The following CDHR5 variants were observed in gnomAD, a reference collection of about 807,000 sequenced individuals.
CDHR5 encodes the protein cadherin-related family member 5.
Under a neutral mutation model 69.5 loss-of-function variants are expected in CDHR5, and 82 were observed. That is an observed-to-expected ratio of 1.18 (90% CI 0.99 to 1.42). CDHR5 has a LOEUF of 1.42. Ranked by LOEUF, CDHR5 falls within the 40% of genes most tolerant of loss-of-function variation. The pLI is 0.00. For missense variants in CDHR5, 1,293 were observed against 1,168.9 expected (o/e 1.11, Z -1.55); for synonymous variants, 601 against 510.2 (o/e 1.18, Z -2.40).
At chr11:619,438 A>T (rs368629032) in intron 11 of CDHR5, 36 bp downstream of exon 11, 1 of 1,606,382 alleles carries the variant, frequency 6.2e-7, no homozygotes, top group Non-Finnish European at 8.5e-7. Flanking sequence ...TTTAAGCCCC[A>T]CACCCTTGGA....
chr11:618,124 TG>T lies in CDHR5; in HGVS notation c.1961-14del, dbSNP rs747155767. The T allele has an allele frequency of 6.2e-7, 1 of 1,600,850 alleles. No individual in the cohort carries two copies. The highest frequency in any genetic ancestry group is 8.5e-7 in the Non-Finnish European group (1 of 1,173,164). On this transcript the variant is annotated splice_polypyrimidine_tract_variant and intron_variant, in intron 13 of 14. Transcript: ENST00000397542. Reference sequence around the variant, plus strand: ...GAGGGGCCGCCACCTGGCATCGCAGTGGAAAACGTCATCATCCCCGCACTGT... The same window carrying T: ...GAGGGGCCGCCACCTGGCATCGCAGTGAAAACGTCATCATCCCCGCACTGT...
chr11:619,091 C>T lies in CDHR5; in HGVS notation c.1468G>A (p.Gly490Arg). 5 of 1,610,600 alleles carry T rather than the reference C, an allele frequency of 3.1e-6. No individual in the cohort carries two copies. Among genetic ancestry groups the T allele is most frequent in the Middle Eastern group, 1.7e-4 (1 of 6,050 alleles). The change falls in exon 13 of 15, where the codon GGA becomes AGA. Residue 490 changes from glycine (G) to arginine (R), a missense_variant. Gly to Arg is a moderately radical substitution (Grantham distance 125, BLOSUM62 -2). Transcript: ENST00000397542. ...EVPRPPEPSQ[G>R]PSTTSSGGGT... ...CCCCCAGAGCTGGTCGTGGAGGGTCCCTGGGAGGGCTCAGGGGGTCTGGGG... is the reference window on the plus strand; with the variant it reads ...CCCCCAGAGCTGGTCGTGGAGGGTCTCTGGGAGGGCTCAGGGGGTCTGGGG...
rs866481143 is a variant in CDHR5 at position 619,587 on chromosome 11, C to A, written c.1180G>T (p.Asp394Tyr). The change falls in exon 11 of 15, where the codon GAC becomes TAC. Residue 394 changes from aspartate (D) to tyrosine (Y), a missense_variant and splice_region_variant. Asp to Tyr is a radical substitution (Grantham distance 160). Transcript: ENST00000397542. ...RIQAQDPEFS[D>Y]LNSAITYRIT... ...CGATATGTGATGGCCGAGTTGAGGT[C>A]CTGGACAGGGTCTCATTGAGTCCCC... 3.1e-6 allele frequency: 5 copies of A among 1,612,830 alleles called. No individual in the cohort carries two copies. Among genetic ancestry groups the A allele is most frequent in the Non-Finnish European group, 8.5e-7 (1 of 1,179,056 alleles).
At position 617,701 on chromosome 11, in the gene CDHR5, G is replaced by A; in HGVS notation, c.2188C>T (p.Pro730Ser). 6.8e-7 allele frequency: 1 copy of A among 1,462,996 alleles called. No individual in the cohort carries two copies. The highest frequency in any genetic ancestry group is 9.0e-7 in the Non-Finnish European group (1 of 1,114,996). 90.6% of individuals were successfully genotyped at this position (1,462,996 alleles called of 1,614,324 possible). A position where few individuals can be genotyped will look rare whatever the true frequency, so the allele number is the denominator to read the frequency against. The change falls in exon 15 of 15, where the codon CCC becomes TCC. Residue 730 changes from proline (P) to serine (S), a missense_variant. By Grantham distance (74) the Pro-to-Ser change is moderately conservative. Transcript: ENST00000397542. ...PDHKANWAPVPSPTHDPKPAE... is the reference protein window; with the variant it reads ...PDHKANWAPVSSPTHDPKPAE... The stretch of plus-strand genomic sequence containing the variant: ...GGCTTGGGGTCGTGCGTGGGGCTGG[G>A]GACGGGCGCCCAGTTGGCCTTGTGG...
intron 7 of CDHR5, 99 bp downstream of exon 7, chr11:620,979 CCT>C (rs1324716342): frequency 1.3e-6 from 1 of 792,078 alleles, no homozygotes; most frequent in African/African-American, 1.8e-5. Context: ...GGCCCCACCC[CCT>C]GACCCCGACC....
At chr11:619,648 C>T (rs754681622) in intron 10 of CDHR5, 33 bp downstream of exon 10, 8 of 1,611,362 alleles carry the variant, frequency 5.0e-6, no homozygotes, top group Non-Finnish European at 5.9e-6. Context: ...CCTGACCCAC[C>T]CACAGAGGGG....
intron 3 of CDHR5, among the ~76,000 whole-genome samples, chr11:623,030 C>T (rs1001796230): frequency 2.0e-5 from 3 of 151,916 alleles, no homozygotes; most frequent in Non-Finnish European, 2.9e-5. Flanking sequence ...GATTGTCAGC[C>T]GGGCACGGTG....
At chr11:617,806 G>A in intron 14 of CDHR5, 36 bp from the exon 15 acceptor site, 2 of 1,455,226 alleles carry the variant, frequency 1.4e-6, no homozygotes, top group Non-Finnish European at 1.8e-6. Flanking sequence ...CGGGGTCCCT[G>A]GGTCTCTGCA....
rs1462447258 is a variant in CDHR5 at position 624,742 on chromosome 11, T to C, written c.86-10A>G. The C allele has an allele frequency of 1.9e-6, 3 of 1,603,836 alleles. No homozygotes were observed. Among genetic ancestry groups the C allele is most frequent in the Admixed American group, 1.7e-5 (1 of 59,062 alleles). On this transcript the variant is annotated splice_polypyrimidine_tract_variant and intron_variant, in intron 1 of 14. Transcript: ENST00000397542. The surrounding 1 kb of genome is among the most constrained non-coding windows in gnomAD (Gnocchi z 5.3). ...TTGTTCACAGAGCAGTCTGTAAGGT[T>C]GCAGAGGAGGGATCAGTGCCTCCCA...
At chr11:620,496 C>G in intron 7 of CDHR5, 110 bp from the exon 8 acceptor site, 1 of 715,990 alleles carries the variant, frequency 1.4e-6, no homozygotes, top group Non-Finnish European at 2.4e-6. Context: ...GGGGCCCAGT[C>G]CCGCTGGTGG....
rs749915600 is a variant in CDHR5, at chr11:618,923, C to G, written c.1636G>C (p.Gly546Arg). The change falls in exon 13 of 15, where the codon GGA (glycine) becomes CGA (arginine). Residue 546 changes from glycine to arginine, a missense_variant. Physicochemically the swap from Gly to Arg is moderately radical, Grantham distance 125. Transcript: ENST00000397542. ...CCGGGGGGCATCGGCTGAGAGGTTC[C>G]TGGCTTTGGGGTCTGTGCTGTGTCC... ...GGDTAQTPKPGTSQPMPPGVG... is the reference protein window; with the variant it reads ...GGDTAQTPKPRTSQPMPPGVG... 3.1e-6 allele frequency: 5 copies of G among 1,608,438 alleles called. No individual in the cohort carries two copies. The East Asian group carries it at 1.1e-4, about 36-fold the overall frequency.
In CDHR5 at chr11:616,860, G is replaced by A. The variant is rs777016087; in HGVS notation, c.*491C>T. On this transcript the variant is annotated 3_prime_UTR_variant, in exon 15 of 15. Coordinates refer to ENST00000397542, the MANE Select transcript of CDHR5 (RefSeq NM_021924.5). ...ATTTCAGAAGGGGACTAGGACCCCC[G>A]GCAGGTGTTTGAGACCACCGGCTCC... The A allele has an allele frequency of 6.2e-5, 11 of 177,284 alleles. No homozygotes were observed. The highest frequency in any genetic ancestry group is 1.8e-4 in the East Asian group (1 of 5,690). The allele number at this position is 177,284 out of a possible 1,614,324, so 11.0% of individuals were successfully genotyped here. A position where few individuals can be genotyped will look rare whatever the true frequency, so the allele number is the denominator to read the frequency against.
At position 621,890 on chromosome 11, in the gene CDHR5, C is replaced by T. The variant is rs777618121; in HGVS notation, c.327G>A (p.Arg109=). 10 of 1,613,304 alleles carry T rather than the reference C, an allele frequency of 6.2e-6. No homozygotes were observed. The highest frequency in any genetic ancestry group is 1.1e-5 in the South Asian group (1 of 91,074). ...TGACGTCCAGCACTGACACGAACAC[C>T]CTTAGCTGGGTCACCTGCAGGATGT... ...QSGGTLVTQL[R]VFVSVLDVND... is the part of the protein sequence containing the mutation. Residue 109 remains arginine (R), a synonymous_variant, in exon 4 of 15, where the codon AGG becomes AGA. Transcript: ENST00000397542. This position sits in a 1 kb window ranked among gnomAD's most constrained non-coding sequence, Gnocchi z 4.4.
intron 13 of CDHR5, 60 bp downstream of exon 13, chr11:618,539 C>T (rs1265891694): frequency 1.4e-5 from 22 of 1,586,044 alleles, no homozygotes; most frequent in African/African-American, 2.7e-5. Flanking sequence ...CTTCCTACAG[C>T]GTTTCCCATA....
Position 619,319 on chromosome 11 carries a change from C to T in CDHR5, c.1365G>A (p.Glu455=), listed in dbSNP as rs1264942906. ...AGGGGGGCTTACCTGTGGAGGGGGGCTCCTGTTCGGAAACTTGTATCTCAA... is the reference window on the plus strand; with the variant it reads ...AGGGGGGCTTACCTGTGGAGGGGGGTTCCTGTTCGGAAACTTGTATCTCAA... ...TVIEIQVSEQ[E]PPSTDVPPSP... Residue 455 remains glutamate (E), a synonymous_variant, in exon 12 of 15, where the codon GAG becomes GAA. Transcript: ENST00000397542. 3.1e-6 allele frequency: 5 copies of T among 1,611,536 alleles called. No homozygotes were observed. The East Asian group carries it at 6.7e-5, about 22-fold the overall frequency.
In CDHR5 at chr11:617,390, A is replaced by C. The variant is rs1057304926; in HGVS notation, c.2499T>G (p.Gly833=). 26 of 1,608,988 alleles carry C rather than the reference A, an allele frequency of 1.6e-5. No homozygotes were observed. The highest frequency in any genetic ancestry group is 2.0e-5 in the Non-Finnish European group (24 of 1,178,084). ...CATCACCACCGGGCGCATCGTAGGG[A>C]CCCCCACCCCTCCCCGCGCCCTCGC... ...DEGEGAGRGG[G]PYDAPGGDDS... Residue 833 remains glycine (G), a synonymous_variant, in exon 15 of 15, where the codon GGT becomes GGG. Coordinates refer to ENST00000397542, the MANE Select transcript of CDHR5 (RefSeq NM_021924.5).
In CDHR5 at chr11:621,465, G is replaced by A. The variant is rs753839684; in HGVS notation, c.508-10C>T. 6.2e-7 allele frequency: 1 copy of A among 1,609,210 alleles called. No individual in the cohort carries two copies. On this transcript the variant is annotated splice_polypyrimidine_tract_variant and intron_variant, in intron 5 of 14. Transcript: ENST00000397542. The surrounding 1 kb of genome is among the most constrained non-coding windows in gnomAD (Gnocchi z 4.4). ...AGTAGTCACTGGCACCCTGGGGAGG[G>A]TCAGGGAGGACAGAGCCTAAGAGCC... is the stretch of plus-strand genomic sequence containing the variant.
chr11:621,216 G>C lies in CDHR5; in HGVS notation c.653C>G (p.Thr218Ser). 1 of 1,597,694 alleles carries C rather than the reference G, an allele frequency of 6.3e-7. No individual in the cohort carries two copies. The change falls in exon 7 of 15, where the codon ACT becomes AGT. Residue 218 changes from threonine to serine, a missense_variant. Coordinates refer to ENST00000397542, the MANE Select transcript of CDHR5 (RefSeq NM_021924.5). The surrounding 1 kb of genome is among the most constrained non-coding windows in gnomAD (Gnocchi z 4.4). Reference sequence around the variant, plus strand: ...GTTCAGCACTAGTGTGGCGGTGGCAGTGTGGCTGGGTTCCACATTCTCCCC... The same window carrying C: ...GTTCAGCACTAGTGTGGCGGTGGCACTGTGGCTGGGTTCCACATTCTCCCC... ...TPGENVEPSH[T>S]ATATLVLNVV...
At position 621,209 on chromosome 11, in the gene CDHR5, G is replaced by A. The variant is rs778453058; in HGVS notation, c.660C>T (p.Thr220=). The A allele has an allele frequency of 5.6e-6, 9 of 1,600,536 alleles. No individual in the cohort carries two copies. Among genetic ancestry groups the A allele is most frequent in the East Asian group, 2.2e-5 (1 of 44,758 alleles). ...GENVEPSHTA[T]ATLVLNVVPA... ...GCACCACGTTCAGCACTAGTGTGGCGGTGGCAGTGTGGCTGGGTTCCACAT... is the reference window on the plus strand; with the variant it reads ...GCACCACGTTCAGCACTAGTGTGGCAGTGGCAGTGTGGCTGGGTTCCACAT... Residue 220 remains threonine (T), a synonymous_variant, in exon 7 of 15, where the codon ACC becomes ACT. Coordinates refer to ENST00000397542, the MANE Select transcript of CDHR5 (RefSeq NM_021924.5). This position sits in a 1 kb window ranked among gnomAD's most constrained non-coding sequence, Gnocchi z 4.4.
Sources: allele counts gnomAD v4.1 joint callset (sites outside exome capture counted in the v4.1 genomes callset), GRCh38; gene constraint gnomAD v4.1.1; non-coding constraint Gnocchi (gnomAD v3.1); transcripts MANE v1.5; gene names NCBI Gene and HGNC (gene_info 2026-07-23, HGNC 2026-07-21).